COG6: variants seen among roughly 807,000 people sequenced by gnomAD.
The protein encoded by COG6 is conserved oligomeric Golgi complex subunit 6.
Under a neutral mutation model 88.8 loss-of-function variants are expected in COG6, and 74 were observed. The observed-to-expected ratio is 0.83, with a 90% confidence interval of 0.69 to 1.01. COG6 has a LOEUF of 1.01. Among genes scored for constraint, COG6 ranks in the 50% least tolerant of loss-of-function variants. The pLI is 0.00. For synonymous variants in COG6, 286 were observed against 278.7 expected, an observed-to-expected ratio of 1.03 and a Z score of -0.26; for missense variants, 800 against 797.9, an observed-to-expected ratio of 1.00 and a Z score of -0.03.
At chr13:39,713,925 T>A (rs1277570726) in intron 13 of COG6, among the ~76,000 whole-genome samples, 1 of 152,214 alleles carries the variant, frequency 6.6e-6, no homozygotes, top group Non-Finnish European at 1.5e-5. Context: ...AATTTTCACT[T>A]AGCTTTAGAA....
chr13:39,670,139 C>G (rs1410422086), intron 4 of COG6, among the ~76,000 whole-genome samples: 1 of 152,062 alleles, frequency 6.6e-6, no homozygotes, highest in East Asian at 1.9e-4. Context: ...CTGAGATGCT[C>G]TAATAGATAA....
downstream of COG6, among the ~76,000 whole-genome samples, chr13:39,755,284 T>G (rs1423242297): frequency 2.6e-5 from 4 of 152,166 alleles, no homozygotes; most frequent in East Asian, 7.7e-4. Flanking sequence ...GCAGTAGTGT[T>G]GAAAAGAACA....
At chr13:39,729,945 G>A (rs971523802) in intron 18 of COG6, among the ~76,000 whole-genome samples, 1 of 152,110 alleles carries the variant, frequency 6.6e-6, no homozygotes, top group African/African-American at 2.4e-5. Flanking sequence ...TATTCGAGTC[G>A]TTTGCCTCAG....
chr13:39,718,511 T>C (rs538465884), intron 13 of COG6, among the ~76,000 whole-genome samples: 7 of 152,252 alleles, frequency 4.6e-5, no homozygotes, highest in African/African-American at 1.7e-4. Context: ...TGGCATACCT[T>C]CTACTTAGTA....
At chr13:39,668,641 A>T (rs904548269) in intron 4 of COG6, among the ~76,000 whole-genome samples, 10 of 152,058 alleles carry the variant, frequency 6.6e-5, no homozygotes, top group African/African-American at 2.2e-4. Flanking sequence ...ACAAAAAATT[A>T]GCCGGGCGTG....
At position 39,727,556 on chromosome 13, in the gene COG6, T is replaced by C. The variant is rs1879202995; in HGVS notation, c.1826+8T>C. 2.5e-6 allele frequency: 4 copies of C among 1,600,196 alleles called. No homozygotes were observed. The highest frequency in any genetic ancestry group is 3.4e-6 in the Non-Finnish European group (4 of 1,167,470). On this transcript the variant is annotated splice_region_variant and intron_variant, in intron 18 of 18. Transcript: ENST00000455146. ...TCTAAGTGCCACAGTGAAGTAAGTA[T>C]TTTTGGTCCCAAGTAGTTGGTAAAG...
intron 2 of COG6, among the ~76,000 whole-genome samples, chr13:39,660,521 G>A (rs1044898966): frequency 3.3e-5 from 5 of 152,158 alleles, no homozygotes; most frequent in African/African-American, 1.2e-4. Context: ...ATCAATAAGA[G>A]TAACTGCAAT....
At chr13:39,708,299 G>A (rs535509738) in intron 13 of COG6, among the ~76,000 whole-genome samples, 17 of 152,222 alleles carry the variant, frequency 1.1e-4, no homozygotes, top group Admixed American at 4.6e-4. Flanking sequence ...GGAATAATAA[G>A]CATCACAGAT....
At chr13:39,714,480 T>C (rs1050656360) in intron 13 of COG6, among the ~76,000 whole-genome samples, 1 of 152,056 alleles carries the variant, frequency 6.6e-6, no homozygotes, top group African/African-American at 2.4e-5. Flanking sequence ...AACAGCCATT[T>C]CTCAAAAGAA....
chr13:39,676,158 A>G (rs1396558211), intron 4 of COG6, among the ~76,000 whole-genome samples: 1 of 152,072 alleles, frequency 6.6e-6, no homozygotes, highest in Non-Finnish European at 1.5e-5. Flanking sequence ...GTACTCGTTG[A>G]CCAATCTCTT....
intron 17 of COG6, 149 bp downstream of exon 17, chr13:39,724,710 G>A: frequency 1.5e-6 from 1 of 679,000 alleles, no homozygotes; most frequent in Non-Finnish European, 2.6e-6. Context: ...GACTGAGCCT[G>A]TATTACTTTA....
intron 4 of COG6, among the ~76,000 whole-genome samples, chr13:39,665,516 T>A (rs1407156504): frequency 2.0e-5 from 3 of 152,226 alleles, no homozygotes; most frequent in Non-Finnish European, 4.4e-5. Context: ...TGATATATCC[T>A]CTCTGGTATA....
At chr13:39,730,411 A>G (rs1225178288) in intron 18 of COG6, among the ~76,000 whole-genome samples, 1 of 152,184 alleles carries the variant, frequency 6.6e-6, no homozygotes, top group Non-Finnish European at 1.5e-5. Flanking sequence ...AAATTATGGT[A>G]TAAATTTAGC....
At chr13:39,705,065 C>T (rs1877808022) in intron 13 of COG6, among the ~76,000 whole-genome samples, 1 of 152,076 alleles carries the variant, frequency 6.6e-6, no homozygotes, top group Non-Finnish European at 1.5e-5. Context: ...TATTCTGCTT[C>T]TTGTAAATGA....
intron 15 of COG6, among the ~76,000 whole-genome samples, chr13:39,721,327 A>G (rs561968323): frequency 6.6e-6 from 1 of 152,250 alleles, no homozygotes; most frequent in Admixed American, 6.5e-5. Context: ...TTTTGCCACC[A>G]TTGGATGTGT....
intron 12 of COG6, among the ~76,000 whole-genome samples, chr13:39,698,177 A>AT (rs1877380357): frequency 7.1e-6 from 1 of 141,286 alleles, no homozygotes; most frequent in Non-Finnish European, 1.6e-5. Context: ...ATAACTCCAT[A>AT]TTAAAAAAAA....
chr13:39,710,487 A>G (rs1236882406), intron 13 of COG6, among the ~76,000 whole-genome samples: 1 of 152,114 alleles, frequency 6.6e-6, no homozygotes, highest in Non-Finnish European at 1.5e-5. Context: ...ATTTGGAAGA[A>G]AGGAGACCAC....
chr13:39,759,081 C>T (rs533774557), intron 18 of COG6, among the ~76,000 whole-genome samples: 29 of 151,988 alleles, frequency 1.9e-4, no homozygotes, highest in South Asian at 1.5e-3. Flanking sequence ...AGGAACTGAT[C>T]GGGAAGAGAC....
chr13:39,662,234 A>C (rs190532866), intron 3 of COG6, among the ~76,000 whole-genome samples: 284 of 150,558 alleles, frequency 1.9e-3, no homozygotes, highest in African/African-American at 6.7e-3. Flanking sequence ...AGTTCAAACA[A>C]TTCTGCCTCA....
Sources: allele counts gnomAD v4.1 joint callset (sites outside exome capture counted in the v4.1 genomes callset), GRCh38; gene constraint gnomAD v4.1.1; transcripts MANE v1.5; gene names NCBI Gene and HGNC (gene_info 2026-07-23, HGNC 2026-07-21).